The following ETV6 variants were observed in gnomAD, a reference collection of about 807,000 sequenced individuals.
The protein encoded by ETV6 is ETS variant transcription factor 6.
Under a neutral mutation model 51.1 loss-of-function variants are expected in ETV6, and 16 were observed. That is an observed-to-expected ratio of 0.31 (90% confidence interval 0.21 to 0.48). The LOEUF (loss-of-function observed/expected upper bound fraction) is 0.48, where lower values mean the gene tolerates loss of function less well. Ranked by LOEUF, ETV6 falls within the 20% of genes least tolerant of loss-of-function variation. The probability of loss-of-function intolerance (pLI) is 0.99; values close to 1 mark genes in which losing one functional copy is unlikely to be tolerated. For missense variants in ETV6, 458 were observed against 594.8 expected (o/e 0.77, Z 2.39); for synonymous variants, 240 against 224.1 (o/e 1.07, Z -0.64).
At chr12:11,653,802 G>C (rs1318112795) in intron 1 of ETV6, among the ~76,000 whole-genome samples, 9 of 152,006 alleles carry the variant, frequency 5.9e-5, no homozygotes, top group Non-Finnish European at 1.2e-4. Flanking sequence ...ATAGAATTTT[G>C]ATACAATAAT....
chr12:11,794,343 C>T (rs1314343318), intron 2 of ETV6, among the ~76,000 whole-genome samples: 1 of 152,148 alleles, frequency 6.6e-6, no homozygotes, highest in Non-Finnish European at 1.5e-5. Context: ...GCTATTTTGA[C>T]CATTCTGGTC....
At chr12:11,697,332 C>T (rs1275073682) in intron 1 of ETV6, among the ~76,000 whole-genome samples, 1 of 152,112 alleles carries the variant, frequency 6.6e-6, no homozygotes, top group East Asian at 1.9e-4. Flanking sequence ...AGAGGAGGTA[C>T]TTAGCAGAGG....
chr12:11,829,313 A>G (rs1373100344), intron 2 of ETV6, among the ~76,000 whole-genome samples: 2 of 152,208 alleles, frequency 1.3e-5, no homozygotes, highest in South Asian at 2.1e-4. Flanking sequence ...GGCACTGTGC[A>G]ACATCTCTAT....
intron 2 of ETV6, among the ~76,000 whole-genome samples, chr12:11,796,608 A>G (rs1364821540): frequency 1.3e-5 from 2 of 152,142 alleles, no homozygotes; most frequent in African/African-American, 4.8e-5. Flanking sequence ...CTTATACATC[A>G]TCTACCACTG....
chr12:11,794,044 G>A (rs139627221), intron 2 of ETV6, among the ~76,000 whole-genome samples: 4 of 152,114 alleles, frequency 2.6e-5, no homozygotes, highest in African/African-American at 7.2e-5. Context: ...CTCAGCAACC[G>A]GGCAGCTGGA....
chr12:11,795,594 G>A (rs558659199), intron 2 of ETV6, among the ~76,000 whole-genome samples: 3 of 152,306 alleles, frequency 2.0e-5, no homozygotes, highest in Non-Finnish European at 2.9e-5. Context: ...ACTTACTGGC[G>A]TGCCCTCCAG....
chr12:11,649,948 C>G lies in ETV6; in HGVS notation c.-180C>G, dbSNP rs1327745167. 8.1e-6 allele frequency: 3 copies of G among 371,718 alleles called. No homozygotes were observed. The highest frequency in any genetic ancestry group is 1.2e-4 in the South Asian group (1 of 8,124). 23.0% of individuals were successfully genotyped at this position (371,718 alleles called of 1,614,324 possible). On this transcript the variant is annotated 5_prime_UTR_variant, in exon 1 of 8. Coordinates refer to ENST00000396373, the MANE Select transcript of ETV6 (RefSeq NM_001987.5). ...CCCCCGCCGCCCCGCGCGCCCAACT[C>G]CGCCGGCCGCCCCGCCCCGCCCCGC...
intron 2 of ETV6, among the ~76,000 whole-genome samples, chr12:11,780,886 G>A (rs1209814782): frequency 1.3e-5 from 2 of 152,158 alleles, no homozygotes; most frequent in Non-Finnish European, 1.5e-5. Context: ...TACGTCCTGT[G>A]GAAGCTTTCT....
At chr12:11,708,374 G>A (rs1865111389) in intron 1 of ETV6, among the ~76,000 whole-genome samples, 1 of 152,334 alleles carries the variant, frequency 6.6e-6, no homozygotes, top group Non-Finnish European at 1.5e-5. Context: ...AACAGACTGG[G>A]TGGGAAGCTG....
At chr12:11,721,296 A>C (rs566944961) in intron 1 of ETV6, among the ~76,000 whole-genome samples, 15 of 152,382 alleles carry the variant, frequency 9.8e-5, no homozygotes, top group African/African-American at 3.6e-4. Flanking sequence ...ACAGTATCAA[A>C]GACATGGAAT....
chr12:11,803,403 T>G (rs958339172), intron 2 of ETV6, among the ~76,000 whole-genome samples: 11 of 152,226 alleles, frequency 7.2e-5, no homozygotes, highest in Middle Eastern at 3.2e-3. Context: ...ACATATTTGT[T>G]GAATGAATCC....
chr12:11,716,458 C>G (rs2120907649), intron 1 of ETV6: 1 of 151,722 alleles, frequency 6.6e-6, no homozygotes, highest in East Asian at 1.9e-4. Flanking sequence ...CCGCTGGGGT[C>G]CATCATCCTG....
chr12:11,715,763 C>A (rs558137132), intron 1 of ETV6, among the ~76,000 whole-genome samples: 3 of 152,186 alleles, frequency 2.0e-5, no homozygotes, highest in Non-Finnish European at 4.4e-5. Context: ...ATTTTGGTCA[C>A]AATTTCACAA....
At chr12:11,750,954 G>T in intron 1 of ETV6, 1 of 445,964 alleles carries the variant, frequency 2.2e-6, no homozygotes, top group South Asian at 1.7e-5. Context: ...CTTTTTACAG[G>T]ACATCTTAAT....
intron 5 of ETV6, among the ~76,000 whole-genome samples, chr12:11,882,827 G>T (rs1159967421): frequency 2.0e-5 from 3 of 152,228 alleles, no homozygotes; most frequent in Non-Finnish European, 4.4e-5. Flanking sequence ...TGTGTTGGCT[G>T]TAATATATTC....
intron 2 of ETV6, among the ~76,000 whole-genome samples, chr12:11,789,325 G>A (rs757427393): frequency 1.3e-5 from 2 of 152,004 alleles, no homozygotes; most frequent in Non-Finnish European, 2.9e-5. Context: ...AGCCACGATC[G>A]TATTTCTTGT....
chr12:11,705,410 C>G (rs1865055664), intron 1 of ETV6, among the ~76,000 whole-genome samples: 1 of 152,182 alleles, frequency 6.6e-6, no homozygotes, highest in African/African-American at 2.4e-5. Flanking sequence ...TATTTATATT[C>G]TCTGCCCTGG....
chr12:11,667,194 G>A (rs1864210674), intron 1 of ETV6, among the ~76,000 whole-genome samples: 1 of 152,214 alleles, frequency 6.6e-6, no homozygotes, highest in South Asian at 2.1e-4. Context: ...CACAGAGGAA[G>A]GCCGATGGAT....
At chr12:11,674,840 C>G (rs1017676393) in intron 1 of ETV6, among the ~76,000 whole-genome samples, 9 of 152,102 alleles carry the variant, frequency 5.9e-5, no homozygotes, top group African/African-American at 1.2e-4. Context: ...GCCCCTGGTG[C>G]TCAGGAGTTC....
Sources: gnomAD v4.1 joint callset for allele counts (sites outside exome capture counted in the v4.1 genomes callset) on GRCh38, gnomAD v4.1.1 for gene constraint, MANE v1.5 for transcripts, NCBI Gene and HGNC (gene_info 2026-07-23, HGNC 2026-07-21) for gene names.